ATP6V1H: variants seen among roughly 807,000 people sequenced by gnomAD.
ATP6V1H encodes the protein ATPase H+ transporting V1 subunit H.
ATP6V1H carries 39 observed loss-of-function variants against 71.7 expected under a neutral mutation model. The ratio of observed to expected loss-of-function variants is 0.54; its 90% CI spans 0.42 to 0.71. The LOEUF (loss-of-function observed/expected upper bound fraction) is 0.71, where lower values mean the gene tolerates loss of function less well. ATP6V1H is among the 30% of genes least tolerant of loss of function. The pLI is 0.00. For missense variants in ATP6V1H, 509 were observed against 594.9 expected, an observed-to-expected ratio of 0.86 and a Z score of 1.50; for synonymous variants, 192 against 199.3, an observed-to-expected ratio of 0.96 and a Z score of 0.31.
chr8:53,794,018 C>A (rs1809649556), intron 9 of ATP6V1H, among the ~76,000 whole-genome samples: 1 of 152,110 alleles, frequency 6.6e-6, no homozygotes, highest in South Asian at 2.1e-4. Flanking sequence ...AAGAAATATT[C>A]ATCAAAGTGG....
rs930545007 is a variant in ATP6V1H, at chr8:53,715,834, T to C, written c.*130A>G. ...TTATTTTGTTGTTGTTGTTTGGAAA[T>C]TAGCATTGGGAAAAGCTATATAACA... is the stretch of plus-strand genomic sequence containing the variant. On this transcript the variant is annotated 3_prime_UTR_variant, in exon 14 of 14. Coordinates refer to ENST00000359530, the MANE Select transcript of ATP6V1H (RefSeq NM_015941.4). 5 of 655,916 alleles carry C rather than the reference T, an allele frequency of 7.6e-6. No homozygotes were observed. The African/African-American group carries it at 9.2e-5, about 12-fold the overall frequency. The allele number at this position is 655,916 out of a possible 1,614,324, so 40.6% of individuals were successfully genotyped here.
intron 9 of ATP6V1H, among the ~76,000 whole-genome samples, chr8:53,776,412 G>A (rs1181517619): frequency 2.0e-5 from 3 of 152,328 alleles, no homozygotes; most frequent in South Asian, 2.1e-4. Flanking sequence ...CAGAGGAGGC[G>A]CTGAAAGCAA....
chr8:53,757,485 T>C (rs984367215), intron 11 of ATP6V1H, among the ~76,000 whole-genome samples: 1 of 152,228 alleles, frequency 6.6e-6, no homozygotes, highest in Admixed American at 6.5e-5. Flanking sequence ...TGCTCCTCTG[T>C]TATTTTAATG....
At chr8:53,832,842 G>A in intron 3 of ATP6V1H, 142 bp downstream of exon 3, 1 of 466,722 alleles carries the variant, frequency 2.1e-6, no homozygotes, top group Non-Finnish European at 3.8e-6. Context: ...CAGAAATACA[G>A]AAAAGGATGA....
chr8:53,780,247 G>T (rs1003831753), intron 9 of ATP6V1H, among the ~76,000 whole-genome samples: 38 of 151,198 alleles, frequency 2.5e-4, no homozygotes, highest in African/African-American at 9.2e-4. Flanking sequence ...ACAACCCTAT[G>T]GTATTCTTCT....
At chr8:53,752,995 T>C (rs562356202) in intron 12 of ATP6V1H, among the ~76,000 whole-genome samples, 5 of 152,092 alleles carry the variant, frequency 3.3e-5, no homozygotes, top group South Asian at 2.1e-4. Flanking sequence ...TTAGTTCAAA[T>C]TGTTGATCTG....
intron 13 of ATP6V1H, among the ~76,000 whole-genome samples, chr8:53,728,211 T>TCC (rs1375480964): frequency 6.6e-6 from 1 of 152,088 alleles, no homozygotes; most frequent in Admixed American, 6.5e-5. Flanking sequence ...CAAGGAAGGT[T>TCC]CCCCTACCTC....
intron 11 of ATP6V1H, among the ~76,000 whole-genome samples, chr8:53,764,592 C>A (rs946399177): frequency 2.0e-5 from 3 of 151,930 alleles, no homozygotes; most frequent in African/African-American, 7.3e-5. Context: ...TAATGAGAAA[C>A]TAGATGCTTT....
At chr8:53,833,329 G>A in intron 2 of ATP6V1H, 1 of 436,860 alleles carries the variant, frequency 2.3e-6, no homozygotes, top group East Asian at 4.1e-5. Flanking sequence ...TGCCTCTAAG[G>A]GGCTGTACTG....
At chr8:53,750,692 T>C (rs940791754) in intron 12 of ATP6V1H, among the ~76,000 whole-genome samples, 5 of 152,050 alleles carry the variant, frequency 3.3e-5, no homozygotes, top group African/African-American at 1.2e-4. Context: ...AGGACAAAAC[T>C]GCAAGAGACA....
chr8:53,778,647 A>G (rs1377112157), intron 9 of ATP6V1H, among the ~76,000 whole-genome samples: 3 of 152,218 alleles, frequency 2.0e-5, no homozygotes, highest in African/African-American at 7.2e-5. Context: ...GAAAGCAAAA[A>G]TGGAAGATAG....
At chr8:53,810,624 C>T (rs1810242724) in intron 7 of ATP6V1H, among the ~76,000 whole-genome samples, 1 of 152,102 alleles carries the variant, frequency 6.6e-6, no homozygotes, top group African/African-American at 2.4e-5. Flanking sequence ...CTTGTAGTCC[C>T]AGCTACTCGG....
intron 7 of ATP6V1H, among the ~76,000 whole-genome samples, chr8:53,802,212 C>A (rs1466843003): frequency 6.6e-6 from 1 of 152,022 alleles, no homozygotes; most frequent in East Asian, 1.9e-4. Flanking sequence ...TTTCACATAT[C>A]CCTGAATAAA....
chr8:53,814,187 C>T (rs1175099877), intron 6 of ATP6V1H, among the ~76,000 whole-genome samples: 1 of 152,076 alleles, frequency 6.6e-6, no homozygotes, highest in Admixed American at 6.5e-5. Flanking sequence ...AGAGAGCTCT[C>T]CAAAAACCAA....
At chr8:53,747,317 A>G (rs1047565807) in intron 12 of ATP6V1H, among the ~76,000 whole-genome samples, 3 of 152,210 alleles carry the variant, frequency 2.0e-5, no homozygotes, top group Non-Finnish European at 4.4e-5. Flanking sequence ...TAATCTGTGT[A>G]GCAATATACC....
At chr8:53,802,525 C>T (rs1271140286) in intron 7 of ATP6V1H, among the ~76,000 whole-genome samples, 2 of 152,034 alleles carry the variant, frequency 1.3e-5, no homozygotes, top group African/African-American at 4.8e-5. Context: ...TCGAGGCTAG[C>T]CCGGGCAACC....
chr8:53,718,574 C>G lies in ATP6V1H; in HGVS notation c.1392-2550G>C, dbSNP rs184988003. Reference sequence around the variant, plus strand: ...CTGGCTAATTTTTGTATATTTTGTACAGACAGGGTTTCGTCATGTTGTCCA... The same window carrying G: ...CTGGCTAATTTTTGTATATTTTGTAGAGACAGGGTTTCGTCATGTTGTCCA... On this transcript the variant is annotated intron_variant, in intron 13 of 13. Coordinates refer to ENST00000359530, the MANE Select transcript of ATP6V1H (RefSeq NM_015941.4). Among the ~76,000 whole-genome samples, 353 of 152,006 alleles carry G rather than the reference C, an allele frequency of 2.3e-3. 3 individuals carry two copies. Among genetic ancestry groups the G allele is most frequent in the African/African-American group, 8.2e-3 (341 of 41,436 alleles).
At chr8:53,753,550 G>A (rs576975161) in intron 12 of ATP6V1H, among the ~76,000 whole-genome samples, 44 of 152,344 alleles carry the variant, frequency 2.9e-4, no homozygotes, top group Non-Finnish European at 3.1e-4. Flanking sequence ...CTGAGGCAGT[G>A]CTGTGAGAAG....
At position 53,761,336 on chromosome 8, in the gene ATP6V1H, C is replaced by CATAA. The variant is rs1563453831; in HGVS notation, c.1176-4681_1176-4680insTTAT. 4.0e-3 allele frequency among the ~76,000 whole-genome samples: 382 copies of CATAA among 94,936 alleles called. 1 individual carries two copies. Among genetic ancestry groups the CATAA allele is most frequent in the African/African-American group, 0.014 (359 of 25,458 alleles). The allele number at this position is 94,936 out of a possible 152,430, so 62.3% of individuals were successfully genotyped here. A position where few individuals can be genotyped will look rare whatever the true frequency, so the allele number is the denominator to read the frequency against. On this transcript the variant is annotated intron_variant, in intron 11 of 13. Transcript: ENST00000359530. ...TGGGCAACAGAGCGAGACTCCGTCT[C>CATAA]AAAAAAAAAAAAAAGAAAAATACCA... is the stretch of plus-strand genomic sequence containing the variant.
Sources: allele counts gnomAD v4.1 joint callset (sites outside exome capture counted in the v4.1 genomes callset), GRCh38; gene constraint gnomAD v4.1.1; transcripts MANE v1.5; gene names NCBI Gene and HGNC (gene_info 2026-07-23, HGNC 2026-07-21).